LRRIQ3: variants seen among roughly 807,000 people sequenced by gnomAD.
LRRIQ3 encodes leucine-rich repeat and IQ domain-containing protein 3.
In LRRIQ3, 75 loss-of-function variants were observed where a neutral mutation model predicts 59.3. The observed-to-expected ratio is 1.26, with a 90% CI of 1.05 to 1.53. The LOEUF is 1.53. Among genes scored for constraint, LRRIQ3 ranks in the 40% most tolerant of loss-of-function variants. The probability of loss-of-function intolerance (pLI) is 0.00; values close to 1 mark genes in which losing one functional copy is unlikely to be tolerated. For missense variants in LRRIQ3, 831 were observed against 710.0 expected (o/e 1.17, Z -1.94); for synonymous variants, 250 against 231.3 (o/e 1.08, Z -0.73).
chr1:74,145,379 C>G (rs1180813063), intron 4 of LRRIQ3, among the ~76,000 whole-genome samples: 1 of 152,090 alleles, frequency 6.6e-6, no homozygotes, highest in East Asian at 1.9e-4. Context: ...CACTGCTGTT[C>G]CTTTTCCAAA....
intron 4 of LRRIQ3, among the ~76,000 whole-genome samples, chr1:74,119,404 C>T (rs997000741): frequency 1.3e-4 from 19 of 151,796 alleles, no homozygotes; most frequent in African/African-American, 3.9e-4. Context: ...TTTCTTTGCT[C>T]GACTACTTTA....
At chr1:74,035,843 AC>A (rs1653852621) in intron 7 of LRRIQ3, among the ~76,000 whole-genome samples, 2 of 152,052 alleles carry the variant, frequency 1.3e-5, no homozygotes, top group South Asian at 2.1e-4. Context: ...CCCTAGCTTT[AC>A]CTATTTTGAA....
At chr1:74,094,649 T>C (rs151143972) in intron 5 of LRRIQ3, among the ~76,000 whole-genome samples, 6 of 152,246 alleles carry the variant, frequency 3.9e-5, no homozygotes, top group East Asian at 1.9e-4. Flanking sequence ...AAAACTAATA[T>C]ACATGCCAAT....
intron 3 of LRRIQ3, among the ~76,000 whole-genome samples, chr1:74,165,068 A>T (rs918817589): frequency 1.7e-4 from 25 of 151,396 alleles, no homozygotes; most frequent in African/African-American, 5.6e-4. Flanking sequence ...TACGATAGCT[A>T]CACGTGTCTA....
chr1:74,192,704 CATA>C (rs774460986), intron 1 of LRRIQ3, among the ~76,000 whole-genome samples: 4 of 151,884 alleles, frequency 2.6e-5, no homozygotes, highest in Admixed American at 1.3e-4. Context: ...CAAAACAGAA[CATA>C]ATAATACTGG....
intron 1 of LRRIQ3, among the ~76,000 whole-genome samples, chr1:74,190,403 G>A (rs759329488): frequency 1.8e-4 from 27 of 151,630 alleles, no homozygotes; most frequent in Middle Eastern, 3.5e-3. Flanking sequence ...TAGTAGATGG[G>A]ACATGACTGA....
In LRRIQ3 at chr1:74,153,652, T is replaced by C. The variant is rs117682150; in HGVS notation, c.707+2081A>G. Among the ~76,000 whole-genome samples, 27 of 152,304 alleles carry C rather than the reference T, an allele frequency of 1.8e-4. No individual in the cohort carries two copies. In the East Asian group the frequency reaches 4.8e-3, roughly 27 times the overall value. On this transcript the variant is annotated intron_variant, in intron 4 of 7. Transcript: ENST00000354431. Reference sequence around the variant, plus strand: ...AGTGGAAAACAGAGATACAGTCTCATAGAGTTTATAGTAAATCTGGAGATA... The same window carrying C: ...AGTGGAAAACAGAGATACAGTCTCACAGAGTTTATAGTAAATCTGGAGATA...
chr1:74,102,385 T>C (rs571987873), intron 5 of LRRIQ3, among the ~76,000 whole-genome samples: 1 of 152,048 alleles, frequency 6.6e-6, no homozygotes, highest in African/African-American at 2.4e-5. Flanking sequence ...CCAATGAAAC[T>C]AATCATCAGA....
intron 4 of LRRIQ3, among the ~76,000 whole-genome samples, chr1:74,135,644 C>T (rs2100622621): frequency 6.6e-6 from 1 of 151,894 alleles, no homozygotes; most frequent in African/African-American, 2.4e-5. Flanking sequence ...TTCTCCATAA[C>T]CATGGGGACA....
At chr1:74,041,028 CAG>C (rs145968217) in intron 7 of LRRIQ3, among the ~76,000 whole-genome samples, 183 bp downstream of exon 7, 5,915 of 152,196 alleles carry the variant, frequency 0.039, 151 homozygotes, top group South Asian at 0.13. Flanking sequence ...TGGGGAAAGA[CAG>C]AGTTATTTTA....
At chr1:74,094,208 C>A (rs1346113785) in intron 5 of LRRIQ3, among the ~76,000 whole-genome samples, 1 of 152,072 alleles carries the variant, frequency 6.6e-6, no homozygotes, top group African/African-American at 2.4e-5. Context: ...GAGTCCCCAT[C>A]TCCAAATATA....
At chr1:74,084,237 A>G in intron 5 of LRRIQ3, 1 of 1,540,066 alleles carries the variant, frequency 6.5e-7, no homozygotes, top group East Asian at 2.5e-5. Flanking sequence ...ATACAGTAAT[A>G]AAGTTTAAAG....
intron 3 of LRRIQ3, among the ~76,000 whole-genome samples, chr1:74,179,392 A>G (rs1466496740): frequency 6.6e-6 from 1 of 151,834 alleles, no homozygotes; most frequent in African/African-American, 2.4e-5. Flanking sequence ...ACACTATTAG[A>G]TTTGTCTCTT....
intron 5 of LRRIQ3, among the ~76,000 whole-genome samples, chr1:74,087,754 G>A (rs1402322700): frequency 6.6e-6 from 1 of 151,860 alleles, no homozygotes. Flanking sequence ...CATCATATTT[G>A]CATTATACTG....
At chr1:74,093,663 A>G (rs1349809361) in intron 5 of LRRIQ3, among the ~76,000 whole-genome samples, 1 of 152,112 alleles carries the variant, frequency 6.6e-6, no homozygotes, top group African/African-American at 2.4e-5. Context: ...TAAGAAGACC[A>G]GGGCTGGTAT....
intron 4 of LRRIQ3, among the ~76,000 whole-genome samples, chr1:74,149,705 G>T (rs1373667832): frequency 1.3e-5 from 2 of 151,800 alleles, no homozygotes; most frequent in African/African-American, 4.8e-5. Context: ...CTCTGTTTGG[G>T]TATAACTTCT....
At chr1:74,160,090 G>T (rs1457635822) in intron 3 of LRRIQ3, among the ~76,000 whole-genome samples, 1 of 151,944 alleles carries the variant, frequency 6.6e-6, no homozygotes, top group Non-Finnish European at 1.5e-5. Context: ...TCATATAAAT[G>T]CCTGAAATGT....
At chr1:74,107,639 A>C (rs1331685297) in intron 5 of LRRIQ3, among the ~76,000 whole-genome samples, 1 of 150,290 alleles carries the variant, frequency 6.7e-6, no homozygotes, top group Non-Finnish European at 1.5e-5. Context: ...TAATATATCA[A>C]CTAAGTGAGC....
intron 5 of LRRIQ3, among the ~76,000 whole-genome samples, chr1:74,094,463 C>T (rs748919438): frequency 9.9e-5 from 15 of 151,904 alleles, no homozygotes; most frequent in Non-Finnish European, 1.9e-4. Context: ...GGGTCACAAG[C>T]CACAGAATAT....
Sources: allele counts gnomAD v4.1 joint callset (sites outside exome capture counted in the v4.1 genomes callset), GRCh38; gene constraint gnomAD v4.1.1; transcripts MANE v1.5; gene names NCBI Gene and HGNC (gene_info 2026-07-23, HGNC 2026-07-21).